Variants in EHMT1 observed in about 807,000 individuals in gnomAD.
EHMT1 encodes the protein euchromatic histone lysine methyltransferase 1, also known as histone-lysine N-methyltransferase EHMT1.
In EHMT1, 15 loss-of-function variants were observed where a neutral mutation model predicts 147.2. The ratio of observed to expected loss-of-function variants is 0.10; its 90% CI spans 0.07 to 0.16. The LOEUF (loss-of-function observed/expected upper bound fraction) is 0.16. Among genes scored for constraint, EHMT1 ranks in the 10% least tolerant of loss-of-function variants. The pLI is 1.00. For missense variants in EHMT1, 1,587 were observed against 1,772.4 expected (o/e 0.90, Z 1.88); for synonymous variants, 795 against 709.6 (o/e 1.12, Z -1.91).
chr9:137,795,401 G>GCACACACACACACACACACA (rs554055210), intron 16 of EHMT1, among the ~76,000 whole-genome samples: 9,179 of 129,932 alleles, frequency 0.071, 436 homozygotes, highest in East Asian at 0.15. Context: ...ATCGCAGGGT[G>GCACACACACACACACACACA]CACACACACA....
chr9:137,669,144 C>T (rs908098828), intron 1 of EHMT1, among the ~76,000 whole-genome samples: 3 of 152,140 alleles, frequency 2.0e-5, no homozygotes, highest in Non-Finnish European at 4.4e-5. Flanking sequence ...GCCTAGGCCT[C>T]TCAAAGTGCT....
intron 1 of EHMT1, among the ~76,000 whole-genome samples, chr9:137,699,674 CAA>C (rs34626207): frequency 0.23 from 30,414 of 129,862 alleles, 3,340 homozygotes; most frequent in Admixed American, 0.35. Flanking sequence ...GACTCTGTCT[CAA>C]AAAAAAAAAA....
intron 18 of EHMT1, among the ~76,000 whole-genome samples, chr9:137,801,726 G>A (rs977224186): frequency 3.9e-5 from 6 of 152,044 alleles, no homozygotes; most frequent in East Asian, 1.9e-4. Flanking sequence ...CTTGAACCCC[G>A]ACCTCAGGTG....
At chr9:137,790,797 C>G (rs750250811) in intron 15 of EHMT1, 51 bp from the exon 16 acceptor site, 2 of 1,613,958 alleles carry the variant, frequency 1.2e-6, no homozygotes, top group South Asian at 2.2e-5. Context: ...TCTCCCCAGG[C>G]GGTGGCTACC....
intron 1 of EHMT1, among the ~76,000 whole-genome samples, chr9:137,699,050 T>C (rs1943623630): frequency 6.6e-6 from 1 of 151,998 alleles, no homozygotes. Flanking sequence ...TGGGGGATGG[T>C]GCCTCATCTC....
chr9:137,643,595 A>G (rs540293612), intron 1 of EHMT1, among the ~76,000 whole-genome samples: 3 of 151,814 alleles, frequency 2.0e-5, no homozygotes, highest in Non-Finnish European at 2.9e-5. Flanking sequence ...TGATCTGCCC[A>G]CCTTGGCCTC....
chr9:137,634,941 C>T (rs562585801), intron 1 of EHMT1, among the ~76,000 whole-genome samples: 9 of 140,670 alleles, frequency 6.4e-5, no homozygotes, highest in Non-Finnish European at 9.0e-5. Context: ...AGGATGGTCT[C>T]GATCTCCTGA....
chr9:137,621,401 T>A (rs1331047310), intron 1 of EHMT1, among the ~76,000 whole-genome samples: 1 of 152,136 alleles, frequency 6.6e-6, no homozygotes, highest in Non-Finnish European at 1.5e-5. Flanking sequence ...TACATTTTCC[T>A]ACCAAAAAGA....
At chr9:137,626,524 C>G (rs1315592229) in intron 1 of EHMT1, among the ~76,000 whole-genome samples, 1 of 138,156 alleles carries the variant, frequency 7.2e-6, no homozygotes, top group East Asian at 2.1e-4. Context: ...GAGACTGTCT[C>G]TAACCAAAAA....
chr9:137,741,138 G>A (rs557984877), intron 4 of EHMT1, among the ~76,000 whole-genome samples: 14 of 152,158 alleles, frequency 9.2e-5, no homozygotes, highest in South Asian at 6.2e-4. Flanking sequence ...CACCTTGGCC[G>A]GCTAATTTTT....
intron 25 of EHMT1, among the ~76,000 whole-genome samples, chr9:137,832,418 A>G (rs573759251): frequency 1.9e-5 from 2 of 107,174 alleles, no homozygotes; most frequent in African/African-American, 3.8e-5. Context: ...CCACGTGGCC[A>G]CTGCACTTTG....
chr9:137,720,611 A>T (rs959896014), intron 3 of EHMT1, among the ~76,000 whole-genome samples: 4 of 152,016 alleles, frequency 2.6e-5, no homozygotes, highest in Non-Finnish European at 5.9e-5. Context: ...CCTATTTCTG[A>T]TTTTATATAA....
At chr9:137,719,177 G>A (rs1444032944) in intron 3 of EHMT1, among the ~76,000 whole-genome samples, 1 of 152,096 alleles carries the variant, frequency 6.6e-6, no homozygotes, top group Non-Finnish European at 1.5e-5. Flanking sequence ...GGTTCTCTTG[G>A]ACTTGACACC....
chr9:137,713,363 G>A lies in EHMT1; in HGVS notation c.85+2333G>A, dbSNP rs571574660. ...CGGCTCACTGCAAGCTCCGCTTCCCGGGTTCACGCCATTCTTCTGCCTCAG... is the reference window on the plus strand; with the variant it reads ...CGGCTCACTGCAAGCTCCGCTTCCCAGGTTCACGCCATTCTTCTGCCTCAG... On this transcript the variant is annotated intron_variant, in intron 2 of 26. Transcript: ENST00000460843. 5.5e-3 allele frequency among the ~76,000 whole-genome samples: 799 copies of A among 144,212 alleles called. 8 individuals carry two copies. Among genetic ancestry groups the A allele is most frequent in the African/African-American group, 0.02 (774 of 39,476 alleles). The allele number at this position is 144,212 out of a possible 152,430, so 94.6% of individuals were successfully genotyped here.
chr9:137,748,604 C>A (rs1176041480), intron 6 of EHMT1, among the ~76,000 whole-genome samples: 1 of 152,210 alleles, frequency 6.6e-6, no homozygotes, highest in Admixed American at 6.5e-5. Context: ...TCGGAGCATC[C>A]CCTCTGCTGT....
Position 137,706,480 on chromosome 9 carries a change from G to A in EHMT1, c.22-4487G>A, listed in dbSNP as rs183111392. Reference sequence around the variant, plus strand: ...ATTTCTGTCACTGTTATGAACAGGAGCCCTTCCTCCCCTTATTTATTTTTG... The same window carrying A: ...ATTTCTGTCACTGTTATGAACAGGAACCCTTCCTCCCCTTATTTATTTTTG... On this transcript the variant is annotated intron_variant, in intron 1 of 26. Coordinates refer to ENST00000460843, the MANE Select transcript of EHMT1 (RefSeq NM_024757.5). Among the ~76,000 whole-genome samples the A allele has an allele frequency of 1.1e-4, 17 of 152,350 alleles. No homozygotes were observed. The East Asian group carries it at 3.1e-3, about 28-fold the overall frequency.
intron 1 of EHMT1, among the ~76,000 whole-genome samples, chr9:137,651,700 C>G (rs560565614): frequency 1.3e-5 from 2 of 152,238 alleles, no homozygotes; most frequent in Non-Finnish European, 2.9e-5. Context: ...GAGGCTGAGG[C>G]AGGAGAAATG....
chr9:137,631,366 T>A (rs1319562370), intron 1 of EHMT1, among the ~76,000 whole-genome samples: 1 of 151,674 alleles, frequency 6.6e-6, no homozygotes, highest in Non-Finnish European at 1.5e-5. Context: ...GACTCCAGCC[T>A]GGGTAACAAG....
chr9:137,811,613 C>T lies in EHMT1; in HGVS notation c.2865C>T (p.Val955=), dbSNP rs749354858. The T allele has an allele frequency of 6.2e-7, 1 of 1,600,842 alleles. No individual in the cohort carries two copies. The highest frequency in any genetic ancestry group is 8.5e-7 in the Non-Finnish European group (1 of 1,179,926). The part of the protein sequence containing the change: ...IAARENRYDC[V]VLFLSRDSDV... Reference sequence around the variant, plus strand: ...CCCGGGAGAACCGCTACGACTGTGTCGTGTGAGTGCAGTGCTTCCCCCAGC... The same window carrying T: ...CCCGGGAGAACCGCTACGACTGTGTTGTGTGAGTGCAGTGCTTCCCCCAGC... The change falls in exon 19 of 27, where the codon GTC becomes GTT. Residue 955 remains valine, a splice_region_variant and synonymous_variant. Coordinates refer to ENST00000460843, the MANE Select transcript of EHMT1 (RefSeq NM_024757.5).
Sources: allele counts gnomAD v4.1 joint callset (sites outside exome capture counted in the v4.1 genomes callset), GRCh38; gene constraint gnomAD v4.1.1; transcripts MANE v1.5; gene names NCBI Gene and HGNC (gene_info 2026-07-23, HGNC 2026-07-21).